AJAP1: variants seen among roughly 807,000 people sequenced by gnomAD.
AJAP1 encodes adherens junctions associated protein 1.
AJAP1 carries 5 observed loss-of-function variants against 35.0 expected under a neutral mutation model. That is an observed-to-expected ratio of 0.14 (90% CI 0.07 to 0.30). The LOEUF (loss-of-function observed/expected upper bound fraction) is 0.30. Ranked by LOEUF, AJAP1 falls within the 10% of genes least tolerant of loss-of-function variation. The pLI is 1.00. For synonymous variants in AJAP1, 284 were observed against 249.3 expected (o/e 1.14, Z -1.31); for missense variants, 586 against 571.0 (o/e 1.03, Z -0.27).
intron 1 of AJAP1, among the ~76,000 whole-genome samples, chr1:4,679,852 TAG>T (rs1553154880): frequency 7.1e-6 from 1 of 141,020 alleles, no homozygotes; most frequent in African/African-American, 2.6e-5. Flanking sequence ...TGTGTGTGTG[TAG>T]AGAGAGATAC....
At chr1:4,727,946 G>GCC (rs1640707629) in intron 2 of AJAP1, among the ~76,000 whole-genome samples, 1 of 152,252 alleles carries the variant, frequency 6.6e-6, no homozygotes, top group Admixed American at 6.5e-5. Flanking sequence ...GCAGATGACA[G>GCC]CACAGCCCAG....
intron 3 of AJAP1, among the ~76,000 whole-genome samples, chr1:4,771,376 G>C (rs944503631): frequency 6.6e-6 from 1 of 152,170 alleles, no homozygotes. Flanking sequence ...AGAAGGAGAC[G>C]GGCGCATCCC....
intron 2 of AJAP1, among the ~76,000 whole-genome samples, chr1:4,725,746 C>T (rs943306707): frequency 6.6e-6 from 1 of 152,098 alleles, no homozygotes; most frequent in African/African-American, 2.4e-5. Context: ...GTCGGGAGGG[C>T]CGGCTCCTCC....
intron 1 of AJAP1, among the ~76,000 whole-genome samples, chr1:4,696,291 G>C (rs1271135590): frequency 6.6e-6 from 1 of 152,174 alleles, no homozygotes; most frequent in Admixed American, 6.5e-5. Context: ...TGCTGGAAAG[G>C]CTGCGACACA....
At position 4,705,537 on chromosome 1, in the gene AJAP1, G is replaced by A. The variant is rs56942361; in HGVS notation, c.30-6363G>A. Among the ~76,000 whole-genome samples, 704 of 149,506 alleles carry A rather than the reference G, an allele frequency of 4.7e-3. 4 individuals are homozygous for A. Among genetic ancestry groups the A allele is most frequent in the African/African-American group, 0.016 (668 of 40,688 alleles). On this transcript the variant is annotated intron_variant, in intron 1 of 5. Transcript: ENST00000378191. ...TTCCCAGTGACAGCACTGGGCAAAC[G>A]TCCCTGGCAAATGCTATTCAAGGTC... is the stretch of plus-strand genomic sequence containing the variant.
At chr1:4,674,032 C>T (rs990582368) in intron 1 of AJAP1, among the ~76,000 whole-genome samples, 1 of 141,864 alleles carries the variant, frequency 7.0e-6, no homozygotes, top group Non-Finnish European at 1.5e-5. Context: ...AGGCTTATCC[C>T]CCCCGCCACC....
intron 1 of AJAP1, among the ~76,000 whole-genome samples, chr1:4,658,682 C>T (rs759608206): frequency 2.6e-5 from 4 of 152,240 alleles, no homozygotes; most frequent in Non-Finnish European, 5.9e-5. Context: ...CTCACCCCCA[C>T]CTTGGGGATA....
chr1:4,778,299 C>G (rs1444683529), intron 5 of AJAP1, among the ~76,000 whole-genome samples: 1 of 152,204 alleles, frequency 6.6e-6, no homozygotes, highest in Admixed American at 6.5e-5. Context: ...GGGTCCAGGC[C>G]CCACCTTATC....
chr1:4,704,465 G>C (rs1353056453), intron 1 of AJAP1, among the ~76,000 whole-genome samples: 1 of 152,076 alleles, frequency 6.6e-6, no homozygotes, highest in African/African-American at 2.4e-5. Context: ...TTTCATCCAT[G>C]TCCTTACAAA....
intron 2 of AJAP1, among the ~76,000 whole-genome samples, chr1:4,764,641 TTG>T (rs1347205588): frequency 6.6e-6 from 1 of 152,248 alleles, no homozygotes; most frequent in South Asian, 2.1e-4. Flanking sequence ...ACAGACATTT[TTG>T]TGTCCAGTGA....
Position 4,783,078 on chromosome 1 carries a change from A to G in AJAP1, c.*593A>G, listed in dbSNP as rs1370592676. The stretch of plus-strand genomic sequence containing the variant: ...TTTTTTGTACTGTAGCAATTTTTGA[A>G]GATCTTAAATGTTCCTTTTTAAAAA... On this transcript the variant is annotated 3_prime_UTR_variant, in exon 6 of 6. Coordinates refer to ENST00000378191, the MANE Select transcript of AJAP1 (RefSeq NM_018836.4). 1 of 374,924 alleles carries G rather than the reference A, an allele frequency of 2.7e-6. No homozygotes were observed. Among genetic ancestry groups the G allele is most frequent in the Non-Finnish European group, 4.7e-6 (1 of 213,314 alleles). The allele number at this position is 374,924 out of a possible 1,614,324, so 23.2% of individuals were successfully genotyped here.
intron 4 of AJAP1, 69 bp from the exon 5 acceptor site, chr1:4,774,358 C>A: frequency 6.9e-7 from 1 of 1,456,578 alleles, no homozygotes; most frequent in Non-Finnish European, 9.6e-7. Context: ...ACAGGCCTGC[C>A]CCGGCTTGCC....
chr1:4,708,883 CT>C (rs143445889), intron 1 of AJAP1, among the ~76,000 whole-genome samples: 8,683 of 152,130 alleles, frequency 0.057, 340 homozygotes, highest in Middle Eastern at 0.085. Flanking sequence ...CACCTGCCCT[CT>C]TTTTTTTCCT....
chr1:4,765,954 A>G (rs758163725), intron 2 of AJAP1, among the ~76,000 whole-genome samples: 12 of 152,226 alleles, frequency 7.9e-5, no homozygotes, highest in Non-Finnish European at 1.8e-4. Context: ...CCCAGCACAC[A>G]GCAAAGCTTT....
chr1:4,747,991 C>A (rs1012338955), intron 2 of AJAP1, among the ~76,000 whole-genome samples: 59 of 135,936 alleles, frequency 4.3e-4, no homozygotes, highest in Admixed American at 6.6e-4. Context: ...GACTCTGTCT[C>A]AAAAAAAAAA....
At chr1:4,774,901 G>A (rs753494921) in intron 5 of AJAP1, among the ~76,000 whole-genome samples, 1 of 152,110 alleles carries the variant, frequency 6.6e-6, no homozygotes, top group Non-Finnish European at 1.5e-5. Flanking sequence ...TAAAACAAGC[G>A]ACAATTACAG....
At chr1:4,744,986 C>A (rs1422331540) in intron 2 of AJAP1, among the ~76,000 whole-genome samples, 1 of 152,076 alleles carries the variant, frequency 6.6e-6, no homozygotes, top group Non-Finnish European at 1.5e-5. Context: ...CTCTCCTATA[C>A]CTCCCTGTCC....
At chr1:4,695,694 G>C (rs892091482) in intron 1 of AJAP1, among the ~76,000 whole-genome samples, 1 of 152,156 alleles carries the variant, frequency 6.6e-6, no homozygotes, top group Non-Finnish European at 1.5e-5. Context: ...CCTTTCCCCT[G>C]TATCTTCACA....
chr1:4,716,225 A>C (rs4654595), intron 2 of AJAP1, among the ~76,000 whole-genome samples: 128,090 of 152,168 alleles, frequency 0.84, 54,547 homozygotes, highest in East Asian at 1. Context: ...AGGATTCACC[A>C]TACATATGAA....
Sources: gnomAD v4.1 joint callset for allele counts (sites outside exome capture counted in the v4.1 genomes callset) on GRCh38, gnomAD v4.1.1 for gene constraint, MANE v1.5 for transcripts, NCBI Gene and HGNC (gene_info 2026-07-23, HGNC 2026-07-21) for gene names.